The following CFI variants were observed in gnomAD, a reference collection of about 807,000 sequenced individuals.
CFI encodes the protein complement factor I, also known as C3B/C4B inactivator.
A neutral mutation model predicts 78.8 loss-of-function variants in CFI; 66 were observed. The observed-to-expected ratio is 0.84, with a 90% CI of 0.69 to 1.03. The LOEUF (loss-of-function observed/expected upper bound fraction) is 1.03. Ranked by LOEUF, CFI falls within the 50% of genes least tolerant of loss-of-function variation. CFI has a pLI of 0.00. For missense variants in CFI, 706 were observed against 704.5 expected (o/e 1.00, Z -0.02); for synonymous variants, 250 against 232.6 (o/e 1.07, Z -0.68).
At chr4:109,783,811 T>TAATATATATA (rs750346105) in intron 1 of CFI, among the ~76,000 whole-genome samples, 3,220 of 105,744 alleles carry the variant, frequency 0.03, 218 homozygotes, top group East Asian at 0.16. Flanking sequence ...AAAGAAACTG[T>TAATATATATA]GATATATATA....
chr4:109,741,137 T>A (rs1427999874), intron 12 of CFI, 27 bp from the exon 13 acceptor site: 1 of 1,613,438 alleles, frequency 6.2e-7, no homozygotes, highest in African/African-American at 1.3e-5. Flanking sequence ...AAAGAGAAAA[T>A]CACACATTTC....
intron 1 of CFI, among the ~76,000 whole-genome samples, chr4:109,768,259 G>T (rs1431685634): frequency 1.8e-5 from 2 of 108,168 alleles, no homozygotes; most frequent in Non-Finnish European, 3.4e-5. Context: ...TTGTGCACAT[G>T]CACCTAAAAC....
intron 1 of CFI, among the ~76,000 whole-genome samples, chr4:109,781,958 A>G (rs1730097576): frequency 6.6e-6 from 1 of 152,080 alleles, no homozygotes; most frequent in African/African-American, 2.4e-5. Context: ...AAAATCTAAC[A>G]TCGCTTTAGG....
At position 109,753,459 on chromosome 4, in the gene CFI, A is replaced by G. The variant is rs1334120344; in HGVS notation, c.905-956T>C. ...TTTATTATATAATAAATATTTATATATATATTTATATTAATAAATATTTAT... is the reference window on the plus strand; with the variant it reads ...TTTATTATATAATAAATATTTATATGTATATTTATATTAATAAATATTTAT... On this transcript the variant is annotated intron_variant, in intron 7 of 12. Transcript: ENST00000394634. Among the ~76,000 whole-genome samples the G allele has an allele frequency of 8.7e-5, 8 of 91,430 alleles. 3 individuals are homozygous for G. The East Asian group carries it at 2.8e-3, about 32-fold the overall frequency. 60.0% of individuals were successfully genotyped at this position (91,430 alleles called of 152,430 possible).
At chr4:109,786,047 A>C (rs1349740760) in intron 1 of CFI, among the ~76,000 whole-genome samples, 1 of 152,056 alleles carries the variant, frequency 6.6e-6, no homozygotes, top group Non-Finnish European at 1.5e-5. Context: ...TCTTTAAAAA[A>C]AAAACAAAAA....
intron 1 of CFI, among the ~76,000 whole-genome samples, chr4:109,779,556 A>G (rs1020692833): frequency 1.1e-4 from 16 of 152,202 alleles, no homozygotes; most frequent in African/African-American, 3.1e-4. Flanking sequence ...TGGCCATACT[A>G]CCCAAGGTAA....
intron 1 of CFI, among the ~76,000 whole-genome samples, chr4:109,796,961 C>T (rs1321177831): frequency 1.3e-5 from 2 of 152,176 alleles, no homozygotes; most frequent in Non-Finnish European, 2.9e-5. Context: ...CACATTCCTT[C>T]ACTGAAAGAA....
chr4:109,778,763 C>A (rs1362829010), intron 1 of CFI, among the ~76,000 whole-genome samples: 1 of 152,172 alleles, frequency 6.6e-6, no homozygotes, highest in Non-Finnish European at 1.5e-5. Flanking sequence ...TCCAGCAGCA[C>A]ATCAAAAAGC....
At chr4:109,768,838 G>T (rs1728196199) in intron 1 of CFI, among the ~76,000 whole-genome samples, 1 of 152,110 alleles carries the variant, frequency 6.6e-6, no homozygotes, top group Non-Finnish European at 1.5e-5. Context: ...ACCTTGCAAG[G>T]ATTGTCAAAG....
At position 109,770,904 on chromosome 4, in the gene CFI, CT is replaced by C. The variant is rs374166541; in HGVS notation, c.58-4081del. ...CCTAGTACCTCTGAAGAAGGAGTGGCTAACAAACAGGGAACTGGTTGAAAGA... is the reference window on the plus strand; with the variant it reads ...CCTAGTACCTCTGAAGAAGGAGTGGCAACAAACAGGGAACTGGTTGAAAGA... On this transcript the variant is annotated intron_variant, in intron 1 of 12. Coordinates refer to ENST00000394634, the MANE Select transcript of CFI (RefSeq NM_000204.5). 1.1e-3 allele frequency among the ~76,000 whole-genome samples: 160 copies of C among 152,222 alleles called. 1 individual carries two copies. The highest frequency in any genetic ancestry group is 3.8e-3 in the African/African-American group (157 of 41,518).
chr4:109,764,902 A>G (rs1224244896), intron 2 of CFI, among the ~76,000 whole-genome samples: 2 of 152,174 alleles, frequency 1.3e-5, no homozygotes, highest in Non-Finnish European at 2.9e-5. Context: ...TTAAATACTC[A>G]CATCAACCCT....
rs902709708 is a variant in CFI, at chr4:109,758,067, C to G, written c.884-284G>C. 1.0e-5 allele frequency: 8 copies of G among 797,534 alleles called. No homozygotes were observed. In the African/African-American group the frequency reaches 1.2e-4, roughly 12 times the overall value. 49.4% of individuals were successfully genotyped at this position (797,534 alleles called of 1,614,324 possible). On this transcript the variant is annotated intron_variant, in intron 6 of 12. Coordinates refer to ENST00000394634, the MANE Select transcript of CFI (RefSeq NM_000204.5). ...ACTAGTACAACTTAATAGTTAGAAG[C>G]ATTACTAAAATGCAAAGGCAGAGCT...
intron 1 of CFI, among the ~76,000 whole-genome samples, chr4:109,796,996 A>C (rs747957254): frequency 1.3e-5 from 2 of 152,232 alleles, no homozygotes; most frequent in Non-Finnish European, 2.9e-5. Context: ...TGTTTATACT[A>C]TTACAAATAA....
intron 1 of CFI, among the ~76,000 whole-genome samples, chr4:109,784,630 C>T (rs558621830): frequency 7.2e-4 from 110 of 152,182 alleles, no homozygotes; most frequent in Admixed American, 2.9e-3. Flanking sequence ...AGAAGCTGTT[C>T]ATTAGCCACA....
chr4:109,794,546 C>T (rs1185029821), intron 1 of CFI: 2 of 152,116 alleles, frequency 1.3e-5, no homozygotes, highest in African/African-American at 4.8e-5. Context: ...AATCCCAGCA[C>T]TTTGGGAGGG....
rs141052455 is a variant in CFI at position 109,789,051 on chromosome 4, T to C, written c.57+12864A>G. 8.6e-5 allele frequency among the ~76,000 whole-genome samples: 13 copies of C among 152,004 alleles called. No individual in the cohort carries two copies. In the East Asian group the frequency reaches 2.1e-3, roughly 25 times the overall value. ...ATGAAAAGGATCCAAATTGAACTTC[T>C]AGGGATAAAAACTACAATACACTTG... On this transcript the variant is annotated intron_variant, in intron 1 of 12. Coordinates refer to ENST00000394634, the MANE Select transcript of CFI (RefSeq NM_000204.5).
chr4:109,783,617 G>A (rs929938882), intron 1 of CFI, among the ~76,000 whole-genome samples: 4 of 151,860 alleles, frequency 2.6e-5, no homozygotes, highest in African/African-American at 7.3e-5. Context: ...ACAGTGTGGA[G>A]ATTCCTTAAA....
chr4:109,765,684 C>T (rs1224629879), intron 2 of CFI, among the ~76,000 whole-genome samples: 3 of 152,160 alleles, frequency 2.0e-5, no homozygotes, highest in Non-Finnish European at 4.4e-5. Flanking sequence ...GGACTGTAGA[C>T]AAGATCTCTG....
chr4:109,760,901 T>C (rs1434721404), intron 4 of CFI, among the ~76,000 whole-genome samples: 1 of 152,136 alleles, frequency 6.6e-6, no homozygotes, highest in Admixed American at 6.5e-5. Flanking sequence ...GAATCAAGAG[T>C]ACGTGCTGAC....
Sources: gnomAD v4.1 joint callset for allele counts (sites outside exome capture counted in the v4.1 genomes callset) on GRCh38, gnomAD v4.1.1 for gene constraint, MANE v1.5 for transcripts, NCBI Gene and HGNC (gene_info 2026-07-23, HGNC 2026-07-21) for gene names.